Variants in PARD3B observed in about 807,000 individuals in gnomAD.
PARD3B encodes the protein par-3 family cell polarity regulator beta.
In PARD3B, 103 loss-of-function variants were observed where a neutral mutation model predicts 130.2. The ratio of observed to expected loss-of-function variants is 0.79; its 90% CI spans 0.67 to 0.93. The LOEUF (loss-of-function observed/expected upper bound fraction) is 0.93. PARD3B is among the 40% of genes least tolerant of loss of function. The pLI, the probability that PARD3B is intolerant of heterozygous loss-of-function variation, is 0.00. For synonymous variants in PARD3B, 583 were observed against 553.2 expected, an observed-to-expected ratio of 1.05 and a Z score of -0.76; for missense variants, 1,609 against 1,499.2, an observed-to-expected ratio of 1.07 and a Z score of -1.21.
chr2:205,488,143 T>C (rs1247295217), intron 20 of PARD3B, among the ~76,000 whole-genome samples: 1 of 152,134 alleles, frequency 6.6e-6, no homozygotes, highest in Non-Finnish European at 1.5e-5. Flanking sequence ...TCTAAAGTCA[T>C]TACATGAGAC....
rs1396952747 is a variant in PARD3B, at chr2:205,530,648, G to A, written c.3181-22676G>A. On this transcript the variant is annotated intron_variant, in intron 21 of 22. Coordinates refer to ENST00000406610, the MANE Select transcript of PARD3B (RefSeq NM_001302769.2). This position sits in a 1 kb window ranked among gnomAD's most constrained non-coding sequence, Gnocchi z 4.7. ...TCCGAGATTCAGAGAGGGGCAAAAT[G>A]TCTCTGGCGTGTGTGTGGTTAGCAG... Among the ~76,000 whole-genome samples, 1 of 151,996 alleles carries A rather than the reference G, an allele frequency of 6.6e-6. No individual in the cohort carries two copies. Among genetic ancestry groups the A allele is most frequent in the Non-Finnish European group, 1.5e-5 (1 of 68,020 alleles).
intron 18 of PARD3B, among the ~76,000 whole-genome samples, chr2:205,302,369 GA>G (rs111939901): frequency 2.2e-4 from 32 of 148,402 alleles, no homozygotes; most frequent in Admixed American, 1.5e-3. Context: ...CTATTTCTAA[GA>G]AAAAAAAAAT....
intron 3 of PARD3B, among the ~76,000 whole-genome samples, chr2:205,024,904 G>T (rs1488221316): frequency 6.6e-6 from 1 of 152,124 alleles, no homozygotes; most frequent in Non-Finnish European, 1.5e-5. Context: ...GTGTAACCAT[G>T]GTTTTTATTC....
intron 2 of PARD3B, among the ~76,000 whole-genome samples, chr2:204,900,375 G>C (rs919374166): frequency 6.6e-6 from 1 of 151,920 alleles, no homozygotes; most frequent in African/African-American, 2.4e-5. Flanking sequence ...TTATTTCTCT[G>C]CTTGATCAGT....
intron 12 of PARD3B, among the ~76,000 whole-genome samples, chr2:205,172,953 TG>T: frequency 6.6e-6 from 1 of 152,100 alleles, no homozygotes; most frequent in East Asian, 1.9e-4. Context: ...GGAGTCTAAG[TG>T]TATGATAGCT....
chr2:204,814,673 C>A (rs369425111), intron 2 of PARD3B, among the ~76,000 whole-genome samples: 2 of 151,320 alleles, frequency 1.3e-5, no homozygotes, highest in African/African-American at 2.4e-5. Flanking sequence ...AATATTTCAC[C>A]GTTGAGTAAA....
chr2:204,677,224 G>C lies in PARD3B; in HGVS notation c.121-8957G>C, dbSNP rs898896353. 6.6e-6 allele frequency among the ~76,000 whole-genome samples: 1 copy of C among 152,104 alleles called. No individual in the cohort carries two copies. Among genetic ancestry groups the C allele is most frequent in the African/African-American group, 2.4e-5 (1 of 41,408 alleles). Reference sequence around the variant, plus strand: ...AAAATATAGTCTCCAGTGTAATCCAGATACTTCCTCTGGTGCTCAACTGAA... The same window carrying C: ...AAAATATAGTCTCCAGTGTAATCCACATACTTCCTCTGGTGCTCAACTGAA... On this transcript the variant is annotated intron_variant, in intron 1 of 22. Transcript: ENST00000406610. This position sits in a 1 kb window ranked among gnomAD's most constrained non-coding sequence, Gnocchi z 4.1.
chr2:204,627,592 C>T (rs1168769584), intron 1 of PARD3B, among the ~76,000 whole-genome samples: 2 of 152,106 alleles, frequency 1.3e-5, no homozygotes, highest in Admixed American at 6.6e-5. Context: ...TTATACAGCA[C>T]ACACTATTTT....
At chr2:205,008,673 T>C (rs1695470805) in intron 3 of PARD3B, among the ~76,000 whole-genome samples, 1 of 152,186 alleles carries the variant, frequency 6.6e-6, no homozygotes, top group Non-Finnish European at 1.5e-5. Context: ...TCTTTAAGTA[T>C]AGAACAGGGC....
chr2:205,481,151 G>A (rs1035382111), intron 20 of PARD3B, among the ~76,000 whole-genome samples: 9 of 152,208 alleles, frequency 5.9e-5, no homozygotes, highest in Non-Finnish European at 7.3e-5. Context: ...TGACAAGGCA[G>A]TGGATGTTTT....
chr2:205,483,745 A>G (rs912521286), intron 20 of PARD3B, among the ~76,000 whole-genome samples: 1 of 152,146 alleles, frequency 6.6e-6, no homozygotes, highest in African/African-American at 2.4e-5. Context: ...TTTTTTTAAA[A>G]ATGCCAAAGT....
At position 205,585,745 on chromosome 2, in the gene PARD3B, T is replaced by G. The variant is rs1202799287; in HGVS notation, c.3261-29711T>G. On this transcript the variant is annotated intron_variant, in intron 22 of 22. Transcript: ENST00000406610. This position sits in a 1 kb window ranked among gnomAD's most constrained non-coding sequence, Gnocchi z 5.4. ...GGCTTTGAAGGTGGGGAATCAGGAGTCAGCTGTTTCTCCCCCACCACATTT... is the reference window on the plus strand; with the variant it reads ...GGCTTTGAAGGTGGGGAATCAGGAGGCAGCTGTTTCTCCCCCACCACATTT... Among the ~76,000 whole-genome samples, 2 of 151,664 alleles carry G rather than the reference T, an allele frequency of 1.3e-5. No homozygotes were observed. Among genetic ancestry groups the G allele is most frequent in the African/African-American group, 4.8e-5 (2 of 41,290 alleles).
chr2:204,873,785 G>C (rs2045729704), intron 2 of PARD3B, among the ~76,000 whole-genome samples: 1 of 152,084 alleles, frequency 6.6e-6, no homozygotes, highest in African/African-American at 2.4e-5. Context: ...CAAAAATATA[G>C]TAGGCATCTG....
chr2:205,301,739 T>TC lies in PARD3B; in HGVS notation c.2630+38_2630+39insC. The TC allele has an allele frequency of 6.2e-7, 1 of 1,613,846 alleles. No individual in the cohort carries two copies. The highest frequency in any genetic ancestry group is 8.5e-7 in the Non-Finnish European group (1 of 1,179,842). ...TTTGAAGGCAAAGTTGGTTCTCATT[T>TC]TGTCTCTCCTGGTAAAATCACTCCT... On this transcript the variant is annotated intron_variant, in intron 18 of 22. Coordinates refer to ENST00000406610, the MANE Select transcript of PARD3B (RefSeq NM_001302769.2). This position sits in a 1 kb window ranked among gnomAD's most constrained non-coding sequence, Gnocchi z 5.2.
intron 22 of PARD3B, among the ~76,000 whole-genome samples, chr2:205,602,982 T>C (rs1482886801): frequency 6.6e-6 from 1 of 152,202 alleles, no homozygotes; most frequent in Non-Finnish European, 1.5e-5. Flanking sequence ...TTTCTAGCTT[T>C]TTGGTGTGGG....
intron 2 of PARD3B, among the ~76,000 whole-genome samples, chr2:204,866,161 A>G (rs567771273): frequency 8.9e-4 from 136 of 152,254 alleles, no homozygotes; most frequent in Middle Eastern, 3.4e-3. Context: ...TTGATTGGTC[A>G]TTACTCATAT....
intron 2 of PARD3B, among the ~76,000 whole-genome samples, chr2:204,883,405 TTA>T (rs1447380815): frequency 0.018 from 1,785 of 101,310 alleles, 38 homozygotes; most frequent in Non-Finnish European, 0.028. Context: ...TATATATATA[TTA>T]TATATATATA....
At chr2:205,367,587 T>C (rs150946262) in intron 18 of PARD3B, among the ~76,000 whole-genome samples, 1 of 152,328 alleles carries the variant, frequency 6.6e-6, no homozygotes, top group African/African-American at 2.4e-5. Flanking sequence ...GGATTATCTT[T>C]TAAGATTCTT....
At chr2:205,610,962 C>T (rs1334833628) in intron 22 of PARD3B, among the ~76,000 whole-genome samples, 1 of 152,298 alleles carries the variant, frequency 6.6e-6, no homozygotes, top group East Asian at 1.9e-4. Flanking sequence ...TGAACAAATT[C>T]AACATACATT....
Sources: gnomAD v4.1 joint callset for allele counts (sites outside exome capture counted in the v4.1 genomes callset) on GRCh38, gnomAD v4.1.1 for gene constraint, Gnocchi (gnomAD v3.1) non-coding constraint, MANE v1.5 for transcripts, NCBI Gene and HGNC (gene_info 2026-07-23, HGNC 2026-07-21) for gene names.